The following CTNND2 variants were observed in gnomAD, a reference collection of about 807,000 sequenced individuals.
The protein encoded by CTNND2 is catenin delta 2.
Under a neutral mutation model 144.4 loss-of-function variants are expected in CTNND2, and 22 were observed. The ratio of observed to expected loss-of-function variants is 0.15; its 90% CI spans 0.11 to 0.22. CTNND2 has a LOEUF of 0.22. Ranked by LOEUF, CTNND2 falls within the 10% of genes least tolerant of loss-of-function variation. CTNND2 has a pLI of 1.00. For synonymous variants in CTNND2, 751 were observed against 695.6 expected (o/e 1.08, Z -1.25); for missense variants, 1,353 against 1,618.8 (o/e 0.84, Z 2.82).
chr5:11,741,847 A>G (rs1016084036), intron 1 of CTNND2, among the ~76,000 whole-genome samples: 1 of 149,178 alleles, frequency 6.7e-6, no homozygotes. Flanking sequence ...ATATATATAT[A>G]TATAATGGAA....
chr5:11,116,779 TGG>T (rs1463597907), intron 13 of CTNND2, among the ~76,000 whole-genome samples: 2 of 152,168 alleles, frequency 1.3e-5, no homozygotes, highest in African/African-American at 2.4e-5. Context: ...ATCGCAAATC[TGG>T]GTGTGGTGGC....
intron 2 of CTNND2, among the ~76,000 whole-genome samples, chr5:11,640,445 A>G (rs956533958): frequency 3.3e-5 from 5 of 152,212 alleles, no homozygotes; most frequent in Non-Finnish European, 4.4e-5. Context: ...ACTGGGTACA[A>G]ATCCTTGGCA....
chr5:11,017,297 G>T (rs1168996381), intron 18 of CTNND2, among the ~76,000 whole-genome samples: 2 of 152,032 alleles, frequency 1.3e-5, no homozygotes, highest in Admixed American at 6.5e-5. Flanking sequence ...GAGCCATGTT[G>T]GGGGTGAAGA....
intron 1 of CTNND2, among the ~76,000 whole-genome samples, chr5:11,837,978 C>T (rs904145051): frequency 2.6e-5 from 4 of 152,168 alleles, no homozygotes; most frequent in Non-Finnish European, 5.9e-5. Context: ...CCATGACAAG[C>T]TCTAATTACC....
chr5:11,647,173 G>A (rs1014419528), intron 2 of CTNND2, among the ~76,000 whole-genome samples: 3 of 152,004 alleles, frequency 2.0e-5, no homozygotes, highest in African/African-American at 2.4e-5. Context: ...TGGACTCCAT[G>A]GTGTATTTAA....
chr5:11,727,493 G>C (rs1372972362), intron 2 of CTNND2, among the ~76,000 whole-genome samples: 1 of 151,982 alleles, frequency 6.6e-6, no homozygotes, highest in Non-Finnish European at 1.5e-5. Context: ...CTGAGTTTCT[G>C]CAACAAAAGT....
chr5:11,487,757 C>T (rs1158580224), intron 3 of CTNND2, among the ~76,000 whole-genome samples: 1 of 152,118 alleles, frequency 6.6e-6, no homozygotes, highest in Non-Finnish European at 1.5e-5. Flanking sequence ...GGTGAAAATA[C>T]TATAATGTGT....
chr5:11,465,868 G>C (rs1366047311), intron 3 of CTNND2, among the ~76,000 whole-genome samples: 1 of 152,278 alleles, frequency 6.6e-6, no homozygotes, highest in East Asian at 1.9e-4. Flanking sequence ...GAATGCAGTT[G>C]AAGACAACAG....
At chr5:11,252,371 TG>T (rs374909118) in intron 9 of CTNND2, among the ~76,000 whole-genome samples, 70 of 151,834 alleles carry the variant, frequency 4.6e-4, no homozygotes, top group African/African-American at 1.4e-3. Flanking sequence ...GAAACTGGGG[TG>T]GGGGGGAGAT....
intron 9 of CTNND2, among the ~76,000 whole-genome samples, chr5:11,286,733 CAGTGGGAGTATAA>C (rs1386359554): frequency 6.6e-6 from 1 of 152,178 alleles, no homozygotes; most frequent in African/African-American, 2.4e-5. Context: ...CATAAACTGA[CAGTGGGAGTATAA>C]AATGGGCCCA....
At chr5:11,816,496 A>G (rs1029349469) in intron 1 of CTNND2, among the ~76,000 whole-genome samples, 7 of 150,750 alleles carry the variant, frequency 4.6e-5, no homozygotes, top group South Asian at 2.1e-4. Flanking sequence ...GGCCGCAGTC[A>G]GCATCTGGGG....
chr5:11,236,292 C>T (rs1741627908), intron 10 of CTNND2, among the ~76,000 whole-genome samples: 1 of 152,172 alleles, frequency 6.6e-6, no homozygotes, highest in Admixed American at 6.5e-5. Flanking sequence ...CAGGTCATAG[C>T]TTATACTGAC....
chr5:11,755,709 G>T (rs1486295268), intron 1 of CTNND2, among the ~76,000 whole-genome samples: 1 of 146,392 alleles, frequency 6.8e-6, no homozygotes, highest in Non-Finnish European at 1.5e-5. Context: ...TCTTTCCTCA[G>T]CTTGGTTTAT....
intron 2 of CTNND2, among the ~76,000 whole-genome samples, chr5:11,567,597 T>C (rs1777222927): frequency 6.6e-6 from 1 of 152,200 alleles, no homozygotes; most frequent in Non-Finnish European, 1.5e-5. Flanking sequence ...AACTAAGCTT[T>C]GCTTCTGCAA....
chr5:11,896,881 A>C (rs950494119), intron 1 of CTNND2, among the ~76,000 whole-genome samples: 1 of 152,158 alleles, frequency 6.6e-6, no homozygotes, highest in African/African-American at 2.4e-5. Context: ...CTTTGGCTAG[A>C]GGTGCCATAA....
intron 9 of CTNND2, among the ~76,000 whole-genome samples, chr5:11,267,168 C>G (rs888408640): frequency 6.6e-6 from 1 of 152,194 alleles, no homozygotes. Context: ...CGTGAGCCAC[C>G]GTGCCCGACC....
chr5:11,736,482 T>G (rs1283785858), intron 1 of CTNND2, among the ~76,000 whole-genome samples: 1 of 152,144 alleles, frequency 6.6e-6, no homozygotes, highest in African/African-American at 2.4e-5. Context: ...TAATCCAAAT[T>G]TAATGTAACT....
At chr5:11,242,437 C>T (rs1742548208) in intron 9 of CTNND2, among the ~76,000 whole-genome samples, 2 of 152,136 alleles carry the variant, frequency 1.3e-5, no homozygotes, top group African/African-American at 4.8e-5. Flanking sequence ...ATGTCTAAAA[C>T]AGTGATTTTT....
At chr5:11,538,081 C>G (rs1774387505) in intron 3 of CTNND2, among the ~76,000 whole-genome samples, 2 of 152,214 alleles carry the variant, frequency 1.3e-5, no homozygotes, top group Admixed American at 1.3e-4. Context: ...ACCATCCATT[C>G]CCTTACTATC....
Sources: gnomAD v4.1 joint callset for allele counts (sites outside exome capture counted in the v4.1 genomes callset) on GRCh38, gnomAD v4.1.1 for gene constraint, MANE v1.5 for transcripts, NCBI Gene and HGNC (gene_info 2026-07-23, HGNC 2026-07-21) for gene names.